FAM184A: variants seen among roughly 807,000 people sequenced by gnomAD.
FAM184A encodes the protein protein FAM184A.
Under a neutral mutation model 143.8 loss-of-function variants are expected in FAM184A, and 99 were observed. The ratio of observed to expected loss-of-function variants is 0.69; its 90% CI spans 0.58 to 0.81. The LOEUF (loss-of-function observed/expected upper bound fraction) is 0.81, where lower values mean the gene tolerates loss of function less well. Among genes scored for constraint, FAM184A ranks in the 40% least tolerant of loss-of-function variants. The probability of loss-of-function intolerance (pLI) is 0.00; values close to 1 mark genes in which losing one functional copy is unlikely to be tolerated. For missense variants in FAM184A, 1,217 were observed against 1,310.5 expected, an observed-to-expected ratio of 0.93 and a Z score of 1.10; for synonymous variants, 427 against 446.4, an observed-to-expected ratio of 0.96 and a Z score of 0.55.
intron 5 of FAM184A, among the ~76,000 whole-genome samples, chr6:119,016,303 T>C (rs185813006): frequency 0.014 from 2,191 of 152,250 alleles, 22 homozygotes; most frequent in Non-Finnish European, 0.024. Flanking sequence ...CCTTCCACAC[T>C]GTGGAAGCTT....
At chr6:119,134,262 T>C (rs1460762053) in intron 1 of FAM184A, among the ~76,000 whole-genome samples, 1 of 152,158 alleles carries the variant, frequency 6.6e-6, no homozygotes, top group Admixed American at 6.5e-5. Context: ...AAATAGTCTA[T>C]AATCTTAGGA....
chr6:119,033,430 C>G (rs1381815579), intron 1 of FAM184A, among the ~76,000 whole-genome samples: 2 of 151,898 alleles, frequency 1.3e-5, no homozygotes, highest in Non-Finnish European at 2.9e-5. Context: ...CTTTGGGAGG[C>G]CAAGGTGGTC....
intron 7 of FAM184A, among the ~76,000 whole-genome samples, chr6:119,004,849 A>T (rs558789883): frequency 6.6e-6 from 1 of 152,318 alleles, no homozygotes; most frequent in East Asian, 1.9e-4. Flanking sequence ...AATGAAACTG[A>T]ATCAGTAAGC....
At chr6:119,085,038 G>A (rs964228452) in intron 1 of FAM184A, among the ~76,000 whole-genome samples, 2 of 152,208 alleles carry the variant, frequency 1.3e-5, no homozygotes, top group African/African-American at 4.8e-5. Context: ...TACCTTCAAT[G>A]GCTTGGAGGC....
intron 1 of FAM184A, among the ~76,000 whole-genome samples, chr6:119,088,643 C>CT (rs144296019): frequency 0.029 from 4,467 of 152,200 alleles, 232 homozygotes; most frequent in African/African-American, 0.1. Flanking sequence ...CTCAAAGGTA[C>CT]TTTTCAGGTC....
At chr6:118,994,596 G>A (rs1380449198) in intron 9 of FAM184A, among the ~76,000 whole-genome samples, 10 of 152,086 alleles carry the variant, frequency 6.6e-5, no homozygotes, top group Admixed American at 6.5e-4. Flanking sequence ...TGAGGCAGGA[G>A]AATTGCTTGA....
chr6:118,963,916 A>T (rs1342368397), intron 16 of FAM184A: 1 of 152,154 alleles, frequency 6.6e-6, no homozygotes, highest in Non-Finnish European at 1.5e-5. Context: ...GATTGGAGCC[A>T]TGGGAAGCTA....
chr6:119,033,493 G>A (rs1224484311), intron 1 of FAM184A, among the ~76,000 whole-genome samples: 12 of 151,396 alleles, frequency 7.9e-5, no homozygotes, highest in South Asian at 2.1e-4. Context: ...GTGAAACCCC[G>A]TCTCTACTAA....
chr6:119,077,342 A>G (rs963289455), intron 1 of FAM184A, among the ~76,000 whole-genome samples: 7 of 152,176 alleles, frequency 4.6e-5, no homozygotes, highest in Non-Finnish European at 1.0e-4. Flanking sequence ...AGACACCACA[A>G]ATCACTTCTT....
At chr6:119,063,471 C>G (rs1787333583) in intron 1 of FAM184A, among the ~76,000 whole-genome samples, 1 of 152,172 alleles carries the variant, frequency 6.6e-6, no homozygotes, top group African/African-American at 2.4e-5. Flanking sequence ...TATATGCCTT[C>G]CTTAAATGAC....
intron 1 of FAM184A, among the ~76,000 whole-genome samples, chr6:119,108,364 C>G (rs976568028): frequency 6.6e-6 from 1 of 152,110 alleles, no homozygotes; most frequent in African/African-American, 2.4e-5. Context: ...CTTCTCTCTT[C>G]TGAAATGCTG....
intron 1 of FAM184A, among the ~76,000 whole-genome samples, chr6:119,077,507 G>T (rs951694528): frequency 2.9e-4 from 44 of 152,302 alleles, no homozygotes; most frequent in African/African-American, 1.1e-3. Context: ...AACTACACGT[G>T]GCCGAATGTG....
chr6:119,073,582 G>T (rs1226191000), intron 1 of FAM184A, among the ~76,000 whole-genome samples: 4 of 152,178 alleles, frequency 2.6e-5, no homozygotes, highest in African/African-American at 9.7e-5. Flanking sequence ...TACAGAGTAG[G>T]TTTCAGAGAT....
At chr6:119,124,315 T>G (rs1789300330) in intron 1 of FAM184A, among the ~76,000 whole-genome samples, 1 of 152,186 alleles carries the variant, frequency 6.6e-6, no homozygotes, top group African/African-American at 2.4e-5. Context: ...CTTTACAGTA[T>G]CAACATTCTT....
chr6:119,110,833 A>G (rs1395366919), intron 1 of FAM184A, among the ~76,000 whole-genome samples: 2 of 152,226 alleles, frequency 1.3e-5, no homozygotes, highest in African/African-American at 4.8e-5. Context: ...CTGGGGAAAA[A>G]TGTGAATTCC....
At chr6:119,064,556 A>G (rs1787374241) in intron 1 of FAM184A, among the ~76,000 whole-genome samples, 3 of 152,210 alleles carry the variant, frequency 2.0e-5, no homozygotes, top group Middle Eastern at 3.4e-3. Flanking sequence ...ACACACAAAA[A>G]TTAGCTGGGC....
At chr6:119,095,984 T>G (rs958561714) in intron 1 of FAM184A, among the ~76,000 whole-genome samples, 8 of 152,194 alleles carry the variant, frequency 5.3e-5, no homozygotes, top group African/African-American at 1.9e-4. Context: ...TGGGTTCTTT[T>G]CTGACTTTGG....
At chr6:119,044,278 C>G (rs112971390) in intron 1 of FAM184A, among the ~76,000 whole-genome samples, 1,949 of 152,060 alleles carry the variant, frequency 0.013, 38 homozygotes, top group African/African-American at 0.045. Flanking sequence ...CTCAAATGAT[C>G]AACAAAAAAC....
At chr6:119,052,362 A>G (rs1478249555) in intron 1 of FAM184A, among the ~76,000 whole-genome samples, 1 of 152,104 alleles carries the variant, frequency 6.6e-6, no homozygotes. Flanking sequence ...TAACAGTTCT[A>G]CTTCCAAAAT....
Sources: gnomAD v4.1 joint callset for allele counts (sites outside exome capture counted in the v4.1 genomes callset) on GRCh38, gnomAD v4.1.1 for gene constraint, MANE v1.5 for transcripts, NCBI Gene and HGNC (gene_info 2026-07-23, HGNC 2026-07-21) for gene names.